MRAP: variants seen among roughly 807,000 people sequenced by gnomAD.
MRAP encodes melanocortin 2 receptor accessory protein.
A neutral mutation model predicts 8.7 loss-of-function variants in MRAP; 8 were observed. That is an observed-to-expected ratio of 0.92 (90% CI 0.54 to 1.66). The LOEUF is 1.66. Among genes scored for constraint, MRAP ranks in the 40% most tolerant of loss-of-function variants. MRAP has a pLI of 0.00. For synonymous variants in MRAP, 95 were observed against 95.5 expected, an observed-to-expected ratio of 1.00 and a Z score of 0.03; for missense variants, 237 against 217.1, an observed-to-expected ratio of 1.09 and a Z score of -0.58.
upstream of MRAP, among the ~76,000 whole-genome samples, chr21:32,295,213 T>C (rs951928229): frequency 4.6e-5 from 7 of 152,076 alleles, no homozygotes; most frequent in Admixed American, 3.9e-4. Context: ...TTAGAAAGCT[T>C]TAGAGCAGGA....
intron 1 of MRAP, among the ~76,000 whole-genome samples, chr21:32,303,898 G>A (rs1316529384): frequency 6.6e-6 from 1 of 152,162 alleles, no homozygotes; most frequent in Non-Finnish European, 1.5e-5. Context: ...ATTGGCTGAC[G>A]ATTGCCTTTT....
chr21:32,309,644 G>A (rs2032507305), intron 2 of MRAP, among the ~76,000 whole-genome samples: 1 of 150,418 alleles, frequency 6.6e-6, no homozygotes, highest in African/African-American at 2.4e-5. Flanking sequence ...TAGAGACAGG[G>A]TTTTGCCAAG....
Position 32,310,215 on chromosome 21 carries a change from T to C in MRAP, c.207-1469T>C, listed in dbSNP as rs113717030. Among the ~76,000 whole-genome samples, 258 of 152,264 alleles carry C rather than the reference T, an allele frequency of 1.7e-3. 1 individual carries two copies. Among genetic ancestry groups the C allele is most frequent in the Middle Eastern group, 6.8e-3 (2 of 294 alleles). ...ACACTATACATCCTGACCAGCTACATGGCTTACTAAAGAAAATGCTCTCAA... is the reference window on the plus strand; with the variant it reads ...ACACTATACATCCTGACCAGCTACACGGCTTACTAAAGAAAATGCTCTCAA... On this transcript the variant is annotated intron_variant, in intron 2 of 2. Coordinates refer to ENST00000303645, the MANE Select transcript of MRAP (RefSeq NM_001379228.1).
At chr21:32,300,815 G>A (rs1362470730) in intron 1 of MRAP, among the ~76,000 whole-genome samples, 2 of 147,424 alleles carry the variant, frequency 1.4e-5, no homozygotes, top group Non-Finnish European at 3.0e-5. Context: ...TGTCAGGGGC[G>A]TCATGTGTCC....
upstream of MRAP, chr21:32,298,837 C>T (rs767632461): frequency 1.4e-4 from 96 of 705,076 alleles, no homozygotes; most frequent in Admixed American, 1.0e-3. Context: ...AGTGGGCAGA[C>T]CTTGAGCCTA....
chr21:32,298,143 C>G (rs767516370), upstream of MRAP, among the ~76,000 whole-genome samples: 12 of 152,306 alleles, frequency 7.9e-5, no homozygotes, highest in Non-Finnish European at 1.2e-4. Flanking sequence ...GTCTGAGGAT[C>G]TCAGAGGAGG....
rs959736032 is a variant in MRAP at position 32,300,956 on chromosome 21, CATG to C, written c.106+1882_106+1884del. Among the ~76,000 whole-genome samples, 30 of 148,218 alleles carry C rather than the reference CATG, an allele frequency of 2.0e-4. 1 individual carries two copies. Among genetic ancestry groups the C allele is most frequent in the South Asian group, 1.3e-3 (6 of 4,784 alleles). On this transcript the variant is annotated intron_variant, in intron 1 of 2. Transcript: ENST00000303645. The stretch of plus-strand genomic sequence containing the variant: ...CGTGTATGTCATATCAATGATATAT[CATG>C]ATTTCAAAGATGTATCATATTTCAT...
At position 32,310,721 on chromosome 21, in the gene MRAP, G is replaced by A. The variant is rs903975370; in HGVS notation, c.207-963G>A. ...GGGTGCAGTGGCGCAATCTTGGCTCGCTGCAACTTCCGACTCCTTGGTTCA... is the reference window on the plus strand; with the variant it reads ...GGGTGCAGTGGCGCAATCTTGGCTCACTGCAACTTCCGACTCCTTGGTTCA... On this transcript the variant is annotated intron_variant, in intron 2 of 2. Coordinates refer to ENST00000303645, the MANE Select transcript of MRAP (RefSeq NM_001379228.1). Among the ~76,000 whole-genome samples the A allele has an allele frequency of 3.3e-5, 5 of 150,876 alleles. No homozygotes were observed. In the East Asian group the frequency reaches 5.9e-4, roughly 18 times the overall value.
At chr21:32,299,503 T>C (rs1203928786) in intron 1 of MRAP, among the ~76,000 whole-genome samples, 3 of 151,864 alleles carry the variant, frequency 2.0e-5, no homozygotes, top group Non-Finnish European at 4.4e-5. Flanking sequence ...CCTGGTTAAT[T>C]TTGTGTATTT....
intron 2 of MRAP, among the ~76,000 whole-genome samples, chr21:32,310,523 C>T (rs1375727406): frequency 6.6e-6 from 1 of 152,206 alleles, no homozygotes; most frequent in Non-Finnish European, 1.5e-5. Context: ...CAATATTGTC[C>T]CATTTTATGG....
At chr21:32,301,163 C>T (rs1245816270) in intron 1 of MRAP, among the ~76,000 whole-genome samples, 1 of 149,844 alleles carries the variant, frequency 6.7e-6, no homozygotes, top group African/African-American at 2.5e-5. Context: ...GTGGTTTCAC[C>T]GTGTTAGCCA....
chr21:32,298,928 G>A lies in MRAP; in HGVS notation c.-44G>A, dbSNP rs551992229. 1,136 of 1,454,024 alleles carry A rather than the reference G, an allele frequency of 7.8e-4. 29 individuals are homozygous for A. The South Asian group carries it at 0.012, about 16-fold the overall frequency. 90.1% of individuals were successfully genotyped at this position (1,454,024 alleles called of 1,614,324 possible). A position where few individuals can be genotyped will look rare whatever the true frequency, so the allele number is the denominator to read the frequency against. ...CCCAGGGGCTTGGCGCCTGGCTCGAGGCGAGGCTGCCGGCCCGGACGCTGA... is the reference window on the plus strand; with the variant it reads ...CCCAGGGGCTTGGCGCCTGGCTCGAAGCGAGGCTGCCGGCCCGGACGCTGA... On this transcript the variant is annotated 5_prime_UTR_variant, in exon 1 of 3. Coordinates refer to ENST00000303645, the MANE Select transcript of MRAP (RefSeq NM_001379228.1).
chr21:32,312,329 T>C, downstream of MRAP: 3 of 1,255,274 alleles, frequency 2.4e-6, no homozygotes, highest in Non-Finnish European at 2.0e-6. Flanking sequence ...CACTTTACCA[T>C]TACTGTGTAA....
At chr21:32,292,631 A>G (rs1360403571) in intron 1 of MRAP, among the ~76,000 whole-genome samples, 1 of 151,754 alleles carries the variant, frequency 6.6e-6, no homozygotes, top group Non-Finnish European at 1.5e-5. Context: ...TGATTTTTGT[A>G]TTTTTAGTAG....
At position 32,298,920 on chromosome 21, in the gene MRAP, TG is replaced by T; in HGVS notation, c.-50del. 1 of 1,364,040 alleles carries T rather than the reference TG, an allele frequency of 7.3e-7. No homozygotes were observed. 84.5% of individuals were successfully genotyped at this position (1,364,040 alleles called of 1,614,324 possible). On this transcript the variant is annotated 5_prime_UTR_variant, in exon 1 of 3. Coordinates refer to ENST00000303645, the MANE Select transcript of MRAP (RefSeq NM_001379228.1). ...AGTCTCCTCCCAGGGGCTTGGCGCC[TG>T]GCTCGAGGCGAGGCTGCCGGCCCGG... is the stretch of plus-strand genomic sequence containing the variant.
chr21:32,302,156 G>A lies in MRAP; in HGVS notation c.106+3079G>A, dbSNP rs117049081. 5.6e-4 allele frequency among the ~76,000 whole-genome samples: 86 copies of A among 152,246 alleles called. 1 individual carries two copies. In the East Asian group the frequency reaches 0.011, roughly 20 times the overall value. ...CCACAAAACATTCTAGCAAACATCT[G>A]TGGTGATAAATTGTGTATATCTTTT... On this transcript the variant is annotated intron_variant, in intron 1 of 2. Transcript: ENST00000303645.
rs2032507368 is a variant in MRAP, at chr21:32,309,645, T to G, written c.207-2039T>G. Reference sequence around the variant, plus strand: ...TTTTGTATTTTTAGTAGAGACAGGGTTTTGCCAAGTTGGCCAGGCCAGTCT... The same window carrying G: ...TTTTGTATTTTTAGTAGAGACAGGGGTTTGCCAAGTTGGCCAGGCCAGTCT... On this transcript the variant is annotated intron_variant, in intron 2 of 2. Transcript: ENST00000303645. 2.0e-5 allele frequency among the ~76,000 whole-genome samples: 3 copies of G among 146,916 alleles called. No individual in the cohort carries two copies. The Admixed American group carries it at 2.1e-4, about 10-fold the overall frequency.
At chr21:32,291,918 G>A (rs970950308) in intron 1 of MRAP, 2 of 152,036 alleles carry the variant, frequency 1.3e-5, no homozygotes, top group African/African-American at 2.4e-5. Context: ...AAAAAAAAAG[G>A]TTTATTAGAA....
At position 32,306,711 on chromosome 21, in the gene MRAP, A is replaced by C; in HGVS notation, c.178A>C (p.Met60Leu). 6.2e-7 allele frequency: 1 copy of C among 1,613,980 alleles called. No individual in the cohort carries two copies. Among genetic ancestry groups the C allele is most frequent in the Non-Finnish European group, 8.5e-7 (1 of 1,180,002 alleles). ...GCTGCTCTTCCTCATCTTGCTCTAC[A>C]TGTCCTGGTCCGCCTCCCCGCAGAT... ...VVLLFLILLY[M>L]SWSASPQMRN... Residue 60 changes from methionine (M) to leucine (L), a missense_variant, in exon 2 of 3, where the codon ATG (methionine) becomes CTG (leucine). Transcript: ENST00000303645.
Sources: allele counts gnomAD v4.1 joint callset (sites outside exome capture counted in the v4.1 genomes callset), GRCh38; gene constraint gnomAD v4.1.1; transcripts MANE v1.5; gene names NCBI Gene and HGNC (gene_info 2026-07-23, HGNC 2026-07-21).